The following KDM2B variants were observed in gnomAD, a reference collection of about 807,000 sequenced individuals.
KDM2B encodes the protein lysine-specific demethylase 2B.
Under a neutral mutation model 150.0 loss-of-function variants are expected in KDM2B, and 26 were observed. The observed-to-expected ratio is 0.17, with a 90% CI of 0.13 to 0.24. The LOEUF (loss-of-function observed/expected upper bound fraction) is 0.24, where lower values mean the gene tolerates loss of function less well. Ranked by LOEUF, KDM2B falls within the 10% of genes least tolerant of loss-of-function variation. The pLI is 1.00. For missense variants in KDM2B, 1,265 were observed against 1,816.9 expected (o/e 0.70, Z 5.52); for synonymous variants, 734 against 729.5 (o/e 1.01, Z -0.10).
Position 121,467,233 on chromosome 12 carries a change from C to T in KDM2B, c.1735-13889G>A. ...CCATGGCTCATGGTGGGCCCAGGCT[C>T]GCGCGCGCTGACATGGCTGGAGCGG... On this transcript the variant is annotated intron_variant, in intron 12 of 22. Transcript: ENST00000377071. This position sits in a 1 kb window ranked among gnomAD's most constrained non-coding sequence, Gnocchi z 5.1. The T allele has an allele frequency of 9.8e-7, 1 of 1,022,716 alleles. No individual in the cohort carries two copies. Among genetic ancestry groups the T allele is most frequent in the Non-Finnish European group, 1.2e-6 (1 of 849,336 alleles). 63.4% of individuals were successfully genotyped at this position (1,022,716 alleles called of 1,614,324 possible).
rs1886713129 is a variant in KDM2B at position 121,521,841 on chromosome 12, GT to G, written c.932-742del. On this transcript the variant is annotated intron_variant, in intron 8 of 22. Coordinates refer to ENST00000377071, the MANE Select transcript of KDM2B (RefSeq NM_032590.5). The surrounding 1 kb of genome is among the most constrained non-coding windows in gnomAD (Gnocchi z 4.9). ...AACGGAGGCAGGGCCAGGTGTAGTG[GT>G]GCACCTCTGTGATCCCAGCACTTTG... Among the ~76,000 whole-genome samples the G allele has an allele frequency of 1.3e-5, 2 of 152,320 alleles. No homozygotes were observed. The highest frequency in any genetic ancestry group is 4.8e-5 in the African/African-American group (2 of 41,578).
rs782547131 is a variant in KDM2B, at chr12:121,549,005, G to C, written c.577-22C>G. 6.3e-7 allele frequency: 1 copy of C among 1,582,592 alleles called. No individual in the cohort carries two copies. The highest frequency in any genetic ancestry group is 8.7e-7 in the Non-Finnish European group (1 of 1,151,228). ...CTACCTGAAAGCCAGACCAGTGTGA[G>C]CACTGCATTTCTCCACTGCCGAGCC... On this transcript the variant is annotated intron_variant, in intron 5 of 22. Coordinates refer to ENST00000377071, the MANE Select transcript of KDM2B (RefSeq NM_032590.5). The surrounding 1 kb of genome is among the most constrained non-coding windows in gnomAD (Gnocchi z 4.4).
intron 12 of KDM2B, among the ~76,000 whole-genome samples, chr12:121,484,722 G>A (rs563985335): frequency 1.4e-3 from 219 of 152,230 alleles, no homozygotes; most frequent in Non-Finnish European, 2.4e-3. Context: ...GGAGGCTGAG[G>A]TGGGAGGATC....
intron 22 of KDM2B, among the ~76,000 whole-genome samples, chr12:121,431,295 CTTTTTTTTTTTTT>C (rs71453557): frequency 7.1e-5 from 7 of 98,940 alleles, no homozygotes; most frequent in Admixed American, 2.2e-4. Context: ...CCATGTGCAA[CTTTTTTTTTTTTT>C]TTTTTTTTTT....
chr12:121,472,405 C>G (rs1235582136), intron 12 of KDM2B, among the ~76,000 whole-genome samples: 7 of 152,292 alleles, frequency 4.6e-5, no homozygotes, highest in Non-Finnish European at 8.8e-5. Flanking sequence ...GTAGGACAGA[C>G]CAGGGGCTGC....
At chr12:121,510,315 G>C (rs1314298309) in intron 10 of KDM2B, among the ~76,000 whole-genome samples, 1 of 152,166 alleles carries the variant, frequency 6.6e-6, no homozygotes, top group Admixed American at 6.5e-5. Context: ...TTGCTCAGTT[G>C]CCGAGGCTGG....
chr12:121,423,583 C>A, the KDM2B span: 2 of 1,610,064 alleles, frequency 1.2e-6, no homozygotes, highest in African/African-American at 2.7e-5. This position sits in a 1 kb window ranked among gnomAD's most constrained non-coding sequence, Gnocchi z 4.3. Flanking sequence ...CTGAAACAGG[C>A]TCCCCTCACC....
intron 22 of KDM2B, among the ~76,000 whole-genome samples, chr12:121,434,645 AT>A: frequency 6.6e-6 from 1 of 152,142 alleles, no homozygotes; most frequent in Non-Finnish European, 1.5e-5. Flanking sequence ...GAAAAATTGA[AT>A]TTCGACATGC....
chr12:121,498,351 C>G (rs547496297), intron 11 of KDM2B, among the ~76,000 whole-genome samples: 8 of 152,190 alleles, frequency 5.3e-5, no homozygotes, highest in African/African-American at 1.9e-4. Context: ...AACGGTGAGG[C>G]CTGTGACAAA....
chr12:121,523,170 A>C (rs1886838352), intron 8 of KDM2B, among the ~76,000 whole-genome samples: 1 of 152,240 alleles, frequency 6.6e-6, no homozygotes, highest in Non-Finnish European at 1.5e-5. Flanking sequence ...GGCAAGCGAC[A>C]GCGGCTCCGT....
At chr12:121,424,530 A>C (rs1449329468), downstream of KDM2B, among the ~76,000 whole-genome samples, 1 of 151,990 alleles carries the variant, frequency 6.6e-6, no homozygotes, top group Admixed American at 6.6e-5. Flanking sequence ...TCACAAGTTC[A>C]AGACTAGCTT....
Position 121,442,062 on chromosome 12 carries a change from G to A in KDM2B, c.3284+95C>T, listed in dbSNP as rs1021432712. 3 of 1,044,014 alleles carry A rather than the reference G, an allele frequency of 2.9e-6. No homozygotes were observed. Among genetic ancestry groups the A allele is most frequent in the South Asian group, 2.8e-5 (2 of 71,604 alleles). 64.7% of individuals were successfully genotyped at this position (1,044,014 alleles called of 1,614,324 possible). On this transcript the variant is annotated intron_variant, in intron 19 of 22. Transcript: ENST00000377071. The surrounding 1 kb of genome is among the most constrained non-coding windows in gnomAD (Gnocchi z 7.7). Reference sequence around the variant, plus strand: ...CACAATGAAGCCATACTGGGGTTTGGAAGGAAAGAGCATCGCCAGCGACTC... The same window carrying A: ...CACAATGAAGCCATACTGGGGTTTGAAAGGAAAGAGCATCGCCAGCGACTC...
chr12:121,513,610 A>C lies in KDM2B; in HGVS notation c.1048-208T>G, dbSNP rs1885777105. Among the ~76,000 whole-genome samples the C allele has an allele frequency of 6.6e-6, 1 of 152,118 alleles. No homozygotes were observed. Among genetic ancestry groups the C allele is most frequent in the African/African-American group, 2.4e-5 (1 of 41,426 alleles). On this transcript the variant is annotated intron_variant, in intron 9 of 22. Transcript: ENST00000377071. This position sits in a 1 kb window ranked among gnomAD's most constrained non-coding sequence, Gnocchi z 5.0. ...TGAGGCGGAGGACGAGGCCCGCATG[A>C]GCGCCTCATCTCAAAGGTCCCTGAG...
chr12:121,477,341 C>T (rs1271118948), intron 12 of KDM2B, among the ~76,000 whole-genome samples: 1 of 151,924 alleles, frequency 6.6e-6, no homozygotes, highest in Non-Finnish European at 1.5e-5. Flanking sequence ...TATGAGCTAC[C>T]ATACCTGGCC....
At chr12:121,502,454 T>G (rs1884654655) in intron 11 of KDM2B, among the ~76,000 whole-genome samples, 3 of 150,014 alleles carry the variant, frequency 2.0e-5, no homozygotes, top group Admixed American at 1.3e-4. Flanking sequence ...AAACCCCACC[T>G]CTATTAAAAT....
At chr12:121,425,100 A>G (rs1183435189), downstream of KDM2B, among the ~76,000 whole-genome samples, 2 of 152,122 alleles carry the variant, frequency 1.3e-5, no homozygotes, top group Non-Finnish European at 2.9e-5. Context: ...TCATGAGGTC[A>G]AGAGTTCGAG....
intron 9 of KDM2B, chr12:121,516,409 TTTA>T: frequency 3.0e-6 from 3 of 1,010,584 alleles, no homozygotes; most frequent in South Asian, 1.4e-5. Context: ...TATTTATTTA[TTTA>T]TTTTTTTTTC....
intron 12 of KDM2B, among the ~76,000 whole-genome samples, chr12:121,480,397 C>A (rs932141771): frequency 6.6e-6 from 1 of 152,148 alleles, no homozygotes; most frequent in East Asian, 1.9e-4. Context: ...ACATGTGGCT[C>A]TTTGTTTTCT....
chr12:121,512,478 A>G (rs1594005592), intron 10 of KDM2B, among the ~76,000 whole-genome samples: 1 of 151,840 alleles, frequency 6.6e-6, no homozygotes, highest in Admixed American at 6.6e-5. Flanking sequence ...AATTGTGCAG[A>G]CCCTCAAGGA....
Sources: gnomAD v4.1 joint callset for allele counts (sites outside exome capture counted in the v4.1 genomes callset) on GRCh38, gnomAD v4.1.1 for gene constraint, Gnocchi (gnomAD v3.1) non-coding constraint, MANE v1.5 for transcripts, NCBI Gene and HGNC (gene_info 2026-07-23, HGNC 2026-07-21) for gene names.